Variants in DNAH8 observed in about 807,000 individuals in gnomAD.
The protein encoded by DNAH8 is dynein axonemal heavy chain 8, also known as axonemal beta dynein heavy chain 8.
DNAH8 carries 382 observed loss-of-function variants against 562.1 expected under a neutral mutation model. That is an observed-to-expected ratio of 0.68 (90% CI 0.63 to 0.74). DNAH8 has a LOEUF of 0.74. Among genes scored for constraint, DNAH8 ranks in the 30% least tolerant of loss-of-function variants. DNAH8 has a pLI of 0.00. For synonymous variants in DNAH8, 1,881 were observed against 1,919.4 expected, an observed-to-expected ratio of 0.98 and a Z score of 0.52; for missense variants, 5,203 against 5,620.4, an observed-to-expected ratio of 0.93 and a Z score of 2.37.
intron 56 of DNAH8, among the ~76,000 whole-genome samples, chr6:38,884,678 T>TTC (rs2150471596): frequency 6.6e-6 from 1 of 152,326 alleles, no homozygotes; most frequent in East Asian, 1.9e-4. Flanking sequence ...TCTTCTGCCT[T>TTC]TCTGCAGGGT....
intron 62 of DNAH8, among the ~76,000 whole-genome samples, chr6:38,905,778 C>G (rs1201501220): frequency 6.6e-6 from 1 of 152,136 alleles, no homozygotes; most frequent in East Asian, 1.9e-4. Flanking sequence ...GCTCTAATCT[C>G]TGTGTTTTCT....
intron 45 of DNAH8, among the ~76,000 whole-genome samples, chr6:38,864,645 C>T (rs1720625158): frequency 1.3e-5 from 2 of 150,344 alleles, no homozygotes; most frequent in Admixed American, 6.7e-5. Context: ...GACACAAGTC[C>T]TAAGACATTG....
At chr6:38,900,330 G>A (rs1156435496) in intron 62 of DNAH8, among the ~76,000 whole-genome samples, 1 of 152,186 alleles carries the variant, frequency 6.6e-6, no homozygotes, top group African/African-American at 2.4e-5. Context: ...TCTTTTTGCT[G>A]CATGATCTTC....
intron 30 of DNAH8, among the ~76,000 whole-genome samples, chr6:38,831,430 CAAAAAA>C (rs67322321): frequency 8.4e-4 from 75 of 89,000 alleles, no homozygotes; most frequent in Middle Eastern, 6.3e-3. Flanking sequence ...GACACCATCT[CAAAAAA>C]AAAAAAAAAA....
intron 39 of DNAH8, among the ~76,000 whole-genome samples, chr6:38,852,105 T>C (rs976575358): frequency 7.2e-5 from 11 of 152,192 alleles, no homozygotes; most frequent in Admixed American, 1.3e-4. Flanking sequence ...AGGGATTATA[T>C]TTTGGATTTG....
At chr6:38,804,171 G>A (rs1381424978) in intron 22 of DNAH8, among the ~76,000 whole-genome samples, 2 of 152,146 alleles carry the variant, frequency 1.3e-5, no homozygotes, top group African/African-American at 2.4e-5. Flanking sequence ...TAATAAGCCC[G>A]AGAGAGAAGC....
chr6:38,860,692 G>C (rs1016018889), intron 43 of DNAH8, 63 bp downstream of exon 43: 5 of 1,203,136 alleles, frequency 4.2e-6, no homozygotes, highest in Non-Finnish European at 1.1e-6. Context: ...ATTATTTATA[G>C]TTGAATTTGA....
chr6:38,789,075 T>G (rs1441020154), intron 18 of DNAH8, among the ~76,000 whole-genome samples: 1 of 152,200 alleles, frequency 6.6e-6, no homozygotes, highest in Non-Finnish European at 1.5e-5. Context: ...GCTAATATAG[T>G]TTGCATTACA....
intron 24 of DNAH8, among the ~76,000 whole-genome samples, chr6:38,810,591 C>A (rs541050803): frequency 2.5e-4 from 35 of 142,438 alleles, no homozygotes; most frequent in Non-Finnish European, 4.3e-4. Flanking sequence ...GACTCCATCT[C>A]AAAAAAAAAA....
In DNAH8 at chr6:38,948,819, AG is replaced by A. The variant is rs150881656; in HGVS notation, c.12130-632del. ...TTTTCATGCTTCTGAACAATATTTA[AG>A]ACCAGCTGTTGGAGAGACTCCTTTC... On this transcript the variant is annotated intron_variant, in intron 80 of 92. Coordinates refer to ENST00000327475, the MANE Select transcript of DNAH8 (RefSeq NM_001206927.2). 4.1e-3 allele frequency among the ~76,000 whole-genome samples: 631 copies of A among 152,336 alleles called. 4 individuals are homozygous for A. The highest frequency in any genetic ancestry group is 0.015 in the African/African-American group (604 of 41,570).
chr6:38,889,296 A>G (rs927031548), intron 57 of DNAH8, among the ~76,000 whole-genome samples: 2 of 152,230 alleles, frequency 1.3e-5, no homozygotes, highest in African/African-American at 4.8e-5. Context: ...TAATTCCATT[A>G]AACTGAATTT....
In DNAH8 at chr6:38,826,234, A is replaced by G; in HGVS notation, c.3926A>G (p.Lys1309Arg). The G allele has an allele frequency of 1.2e-6, 2 of 1,613,822 alleles. No homozygotes were observed. The highest frequency in any genetic ancestry group is 1.7e-6 in the Non-Finnish European group (2 of 1,179,880). ...LLCRYLNEEY[K>R]KKMSYMIAFI... is the part of the protein sequence containing the mutation. The stretch of plus-strand genomic sequence containing the variant: ...TGTCGATATCTGAATGAAGAATACA[A>G]AAAGAAAATGTCATACATGATAGCA... The change falls in exon 29 of 93, where the codon AAA becomes AGA. Residue 1309 changes from lysine (K) to arginine (R), a missense_variant. Lys to Arg is a conservative substitution (Grantham distance 26, BLOSUM62 2). Around this residue, in one of 6 missense-constraint regions of DNAH8, gnomAD observed 2,176 missense variants for 2,365.1 expected, o/e 0.92. Coordinates refer to ENST00000327475, the MANE Select transcript of DNAH8 (RefSeq NM_001206927.2).
At position 38,937,967 on chromosome 6, in the gene DNAH8, A is replaced by G; in HGVS notation, c.11564-7A>G. The G allele has an allele frequency of 6.2e-7, 1 of 1,612,822 alleles. No individual in the cohort carries two copies. Among genetic ancestry groups the G allele is most frequent in the Non-Finnish European group, 8.5e-7 (1 of 1,179,284 alleles). ...GTGTACTACGGTTTTCCTGTTTTGA[A>G]TTTCAGGCTCATTGGTAGATGACGA... On this transcript the variant is annotated splice_region_variant and splice_polypyrimidine_tract_variant and intron_variant, in intron 77 of 92. Coordinates refer to ENST00000327475, the MANE Select transcript of DNAH8 (RefSeq NM_001206927.2).
chr6:38,967,381 A>G (rs1763042907), intron 82 of DNAH8, among the ~76,000 whole-genome samples: 1 of 152,164 alleles, frequency 6.6e-6, no homozygotes, highest in South Asian at 2.1e-4. Context: ...TGCATAAAAA[A>G]TTATAAGTTG....
intron 17 of DNAH8, among the ~76,000 whole-genome samples, chr6:38,784,865 TGTTTCTAACA>T (rs1252588190): frequency 6.6e-6 from 1 of 152,236 alleles, no homozygotes; most frequent in Non-Finnish European, 1.5e-5. Flanking sequence ...AATACTGTAC[TGTTTCTAACA>T]GTGTCAAGAA....
chr6:38,973,737 C>A lies in DNAH8; in HGVS notation c.12602C>A (p.Thr4201Asn). ...GAATTACTAGAGACGCTAATTACCA[C>A]TGAAGCCAGTGATGATTCTTTCCGA... ...MEELLETLIT[T>N]EASDDSFRVW... Residue 4201 changes from threonine (T) to asparagine (N), a missense_variant, in exon 84 of 93, where the codon ACT becomes AAT. This residue lies in a region of DNAH8 where 1,399 missense variants were observed against 1,518.4 expected (regional missense o/e 0.92). Transcript: ENST00000327475. 1 of 1,610,878 alleles carries A rather than the reference C, an allele frequency of 6.2e-7. No individual in the cohort carries two copies. The highest frequency in any genetic ancestry group is 8.5e-7 in the Non-Finnish European group (1 of 1,178,646).
In DNAH8 at chr6:38,984,199, A is replaced by G. The variant is rs773871427; in HGVS notation, c.12952-7A>G. 2 of 1,492,090 alleles carry G rather than the reference A, an allele frequency of 1.3e-6. No individual in the cohort carries two copies. The highest frequency in any genetic ancestry group is 2.3e-5 in the South Asian group (2 of 85,450). 92.4% of individuals were successfully genotyped at this position (1,492,090 alleles called of 1,614,324 possible). On this transcript the variant is annotated splice_polypyrimidine_tract_variant and splice_region_variant and intron_variant, in intron 86 of 92. Coordinates refer to ENST00000327475, the MANE Select transcript of DNAH8 (RefSeq NM_001206927.2). ...CAATTAATAATCCTTTTTTACTTTT[A>G]ATAAAGGGTGTATCATGGAATACGG...
At chr6:38,840,538 G>A (rs2179710) in intron 33 of DNAH8, among the ~76,000 whole-genome samples, 18,499 of 152,070 alleles carry the variant, frequency 0.12, 1,379 homozygotes, top group Admixed American at 0.21. Flanking sequence ...TGAAGTCTAC[G>A]GAAATATATT....
At chr6:38,874,329 CCTCT>C (rs1777821643) in intron 52 of DNAH8, among the ~76,000 whole-genome samples, 1 of 116,078 alleles carries the variant, frequency 8.6e-6, no homozygotes, top group African/African-American at 3.2e-5. Flanking sequence ...CCCTTCCCTC[CCTCT>C]CTCTCTCTTC....
Sources: allele counts gnomAD v4.1 joint callset (sites outside exome capture counted in the v4.1 genomes callset), GRCh38; gene constraint gnomAD v4.1.1; regional missense constraint gnomAD v4.1.1; transcripts MANE v1.5; gene names NCBI Gene and HGNC (gene_info 2026-07-23, HGNC 2026-07-21).